Variants in NEK7 observed in about 807,000 individuals in gnomAD.
NEK7 encodes NIMA related kinase 7, also known as serine/threonine-protein kinase Nek7.
A neutral mutation model predicts 44.6 loss-of-function variants in NEK7; 18 were observed. That is an observed-to-expected ratio of 0.40 (90% CI 0.28 to 0.60). The LOEUF (loss-of-function observed/expected upper bound fraction) is 0.60. NEK7 is among the 20% of genes least tolerant of loss of function. The pLI, the probability that NEK7 is intolerant of heterozygous loss-of-function variation, is 0.38. For missense variants in NEK7, 256 were observed against 366.5 expected (o/e 0.70, Z 2.46); for synonymous variants, 130 against 121.1 (o/e 1.07, Z -0.48).
At chr1:198,279,305 TGG>T in intron 7 of NEK7, among the ~76,000 whole-genome samples, 1 of 151,968 alleles carries the variant, frequency 6.6e-6, no homozygotes, top group Non-Finnish European at 1.5e-5. Context: ...CTGATAAGTC[TGG>T]TTTAACTATT....
At chr1:198,305,874 T>A (rs371445245) in intron 9 of NEK7, among the ~76,000 whole-genome samples, 2 of 152,194 alleles carry the variant, frequency 1.3e-5, no homozygotes, top group Non-Finnish European at 2.9e-5. Context: ...GAAAGTCTAA[T>A]AACCTAACAA....
At chr1:198,173,790 TTTATAA>T (rs1447480088) in intron 1 of NEK7, among the ~76,000 whole-genome samples, 3 of 152,160 alleles carry the variant, frequency 2.0e-5, no homozygotes, top group Non-Finnish European at 4.4e-5. Flanking sequence ...TATAAAAAAC[TTTATAA>T]TTAAAGTTTT....
chr1:198,190,330 T>TA (rs1370921723), intron 1 of NEK7, among the ~76,000 whole-genome samples: 2 of 152,094 alleles, frequency 1.3e-5, no homozygotes, highest in Non-Finnish European at 2.9e-5. Flanking sequence ...TTCTTAAATC[T>TA]ATACCCCTGA....
chr1:198,271,162 AT>A (rs1338186900), intron 5 of NEK7, among the ~76,000 whole-genome samples: 6 of 151,996 alleles, frequency 3.9e-5, no homozygotes, highest in Non-Finnish European at 8.8e-5. Flanking sequence ...GGCTCACCCA[AT>A]TAGGTCATGA....
chr1:198,157,552 G>A (rs909811129), intron 1 of NEK7, among the ~76,000 whole-genome samples: 1 of 152,230 alleles, frequency 6.6e-6, no homozygotes, highest in Non-Finnish European at 1.5e-5. Flanking sequence ...CGGTAACTAA[G>A]AAACTCCGTG....
chr1:198,255,212 A>G (rs982861542), intron 3 of NEK7, among the ~76,000 whole-genome samples: 2 of 152,192 alleles, frequency 1.3e-5, no homozygotes, highest in Non-Finnish European at 2.9e-5. Context: ...TAGGCAATTG[A>G]GGATGCATTG....
intron 7 of NEK7, among the ~76,000 whole-genome samples, chr1:198,284,320 T>A (rs1474706283): frequency 6.6e-6 from 1 of 152,180 alleles, no homozygotes; most frequent in African/African-American, 2.4e-5. Flanking sequence ...GTTTTCTGAT[T>A]TGTTGTTATT....
intron 2 of NEK7, among the ~76,000 whole-genome samples, chr1:198,247,287 A>T (rs1666859541): frequency 6.6e-6 from 1 of 152,082 alleles, no homozygotes; most frequent in Non-Finnish European, 1.5e-5. Context: ...TTTTAGTCAA[A>T]AGACTTAACA....
At chr1:198,201,753 G>A (rs1665435267) in intron 1 of NEK7, among the ~76,000 whole-genome samples, 1 of 152,006 alleles carries the variant, frequency 6.6e-6, no homozygotes, top group East Asian at 1.9e-4. Flanking sequence ...AGTCTTTTAG[G>A]AAAATCCAGG....
chr1:198,211,803 G>A (rs1234109242), intron 1 of NEK7, among the ~76,000 whole-genome samples: 3 of 152,124 alleles, frequency 2.0e-5, no homozygotes, highest in African/African-American at 7.2e-5. Flanking sequence ...TTCATGCTGT[G>A]AACTTTTTTC....
At chr1:198,312,855 C>T (rs935068573) in intron 9 of NEK7, among the ~76,000 whole-genome samples, 6 of 151,984 alleles carry the variant, frequency 3.9e-5, no homozygotes, top group Admixed American at 3.3e-4. Flanking sequence ...AGCTTTACTT[C>T]CAAGTATGTG....
intron 5 of NEK7, among the ~76,000 whole-genome samples, chr1:198,266,217 TACA>T (rs1423490774): frequency 6.6e-6 from 1 of 152,122 alleles, no homozygotes; most frequent in Non-Finnish European, 1.5e-5. Flanking sequence ...TCTACATCAA[TACA>T]ACTATATCTA....
At chr1:198,303,431 A>G (rs1451908352) in intron 9 of NEK7, among the ~76,000 whole-genome samples, 5 of 152,080 alleles carry the variant, frequency 3.3e-5, no homozygotes, top group African/African-American at 9.7e-5. Flanking sequence ...GAGTTAAGTC[A>G]GTAACAAAAA....
Position 198,205,059 on chromosome 1 carries a change from A to G in NEK7, c.-28-27494A>G, listed in dbSNP as rs1375345341. Among the ~76,000 whole-genome samples, 4 of 152,024 alleles carry G rather than the reference A, an allele frequency of 2.6e-5. No homozygotes were observed. The East Asian group carries it at 7.7e-4, about 29-fold the overall frequency. On this transcript the variant is annotated intron_variant, in intron 1 of 9. Coordinates refer to ENST00000367385, the MANE Select transcript of NEK7 (RefSeq NM_133494.3). The stretch of plus-strand genomic sequence containing the variant: ...CCCGTCCCCCCTTCCTTCTTCTCCT[A>G]CTTCCACTAAGTAATCATTCAGTGT...
chr1:198,248,553 C>T (rs1666898436), intron 2 of NEK7, among the ~76,000 whole-genome samples: 1 of 152,182 alleles, frequency 6.6e-6, no homozygotes, highest in African/African-American at 2.4e-5. Context: ...ATTTCCCTAG[C>T]AGCCAGCATA....
At chr1:198,291,853 G>C (rs1654566828) in intron 7 of NEK7, among the ~76,000 whole-genome samples, 1 of 152,006 alleles carries the variant, frequency 6.6e-6, no homozygotes, top group African/African-American at 2.4e-5. Context: ...TCCTGCCTTT[G>C]AGTATAGTGC....
chr1:198,280,761 ATT>A (rs932939217), intron 7 of NEK7, among the ~76,000 whole-genome samples: 20 of 148,348 alleles, frequency 1.3e-4, no homozygotes, highest in African/African-American at 4.9e-4. Context: ...TATAATATAT[ATT>A]GTTTTATATA....
chr1:198,227,013 C>T (rs1156959924), intron 1 of NEK7, among the ~76,000 whole-genome samples: 8 of 152,044 alleles, frequency 5.3e-5, no homozygotes, highest in Non-Finnish European at 8.8e-5. Context: ...TGCTATTCCT[C>T]CCCCGCTCCC....
intron 2 of NEK7, among the ~76,000 whole-genome samples, chr1:198,245,817 G>A (rs998487421): frequency 2.6e-5 from 4 of 152,020 alleles, no homozygotes; most frequent in African/African-American, 9.7e-5. Flanking sequence ...GGTCATTAAG[G>A]AACTTCAAGA....
Sources: allele counts gnomAD v4.1 joint callset (sites outside exome capture counted in the v4.1 genomes callset), GRCh38; gene constraint gnomAD v4.1.1; transcripts MANE v1.5; gene names NCBI Gene and HGNC (gene_info 2026-07-23, HGNC 2026-07-21).